Variants in CSNK1D observed in about 807,000 individuals in gnomAD.
CSNK1D encodes casein kinase I isoform delta.
In CSNK1D, 16 loss-of-function variants were observed where a neutral mutation model predicts 46.6. The ratio of observed to expected loss-of-function variants is 0.34; its 90% CI spans 0.23 to 0.52. The LOEUF (loss-of-function observed/expected upper bound fraction) is 0.52. Ranked by LOEUF, CSNK1D falls within the 20% of genes least tolerant of loss-of-function variation. The probability of loss-of-function intolerance (pLI) is 0.95; values close to 1 mark genes in which losing one functional copy is unlikely to be tolerated. For missense variants in CSNK1D, 398 were observed against 578.4 expected (o/e 0.69, Z 3.20); for synonymous variants, 276 against 228.2 (o/e 1.21, Z -1.89).
At chr17:82,258,412 C>T (rs1239091354) in intron 2 of CSNK1D, among the ~76,000 whole-genome samples, 3 of 151,880 alleles carry the variant, frequency 2.0e-5, no homozygotes, top group Non-Finnish European at 4.4e-5. Flanking sequence ...GCGTCACAGT[C>T]GAGCATCCCT....
chr17:82,239,879 A>T, downstream of CSNK1D: 1 of 679,052 alleles, frequency 1.5e-6, no homozygotes, highest in Non-Finnish European at 2.1e-6. Context: ...AGCCCGGCCC[A>T]GCGCTTGGGC....
In CSNK1D at chr17:82,253,244, T is replaced by C; in HGVS notation, c.337A>G (p.Ile113Val). The C allele has an allele frequency of 6.2e-7, 1 of 1,613,706 alleles. No homozygotes were observed. The highest frequency in any genetic ancestry group is 8.5e-7 in the Non-Finnish European group (1 of 1,179,722). The change falls in exon 4 of 9, where the codon ATC becomes GTC. Residue 113 changes from isoleucine (I) to valine (V), a missense_variant and splice_region_variant. Coordinates refer to ENST00000314028, the MANE Select transcript of CSNK1D (RefSeq NM_001893.6). ...GAATGAATGTATTCGATGCGACTGA[T>C]CTGTGAGCAGAGCAAGGGCGCGAGA... ...KTVLLLADQM[I>V]SRIEYIHSKN...
At chr17:82,240,546 G>C (rs1047132825), downstream of CSNK1D, among the ~76,000 whole-genome samples, 2 of 152,144 alleles carry the variant, frequency 1.3e-5, no homozygotes, top group African/African-American at 4.8e-5. Flanking sequence ...AGGGGTGCTC[G>C]CTCCTGGAAC....
Position 82,242,813 on chromosome 17 carries a change from G to A in CSNK1D, c.*1968C>T. On this transcript the variant is annotated 3_prime_UTR_variant, in exon 9 of 9. Transcript: ENST00000314028. Reference sequence around the variant, plus strand: ...CTACGTCTCCTGCACGGGGCGACGGGGACTAGATACTGGGCAAGGACTGTC... The same window carrying A: ...CTACGTCTCCTGCACGGGGCGACGGAGACTAGATACTGGGCAAGGACTGTC... 1 of 985,458 alleles carries A rather than the reference G, an allele frequency of 1.0e-6. No homozygotes were observed. 61.0% of individuals were successfully genotyped at this position (985,458 alleles called of 1,614,324 possible). A position where few individuals can be genotyped will look rare whatever the true frequency, so the allele number is the denominator to read the frequency against.
rs1379367052 is a variant in CSNK1D at position 82,252,882 on chromosome 17, C to T, written c.565+134G>A. The stretch of plus-strand genomic sequence containing the variant: ...CCCCCATACACCTGGCAGTCACGAG[C>T]CAGCCTGTCTGCCGCAAAGGTCTGA... On this transcript the variant is annotated intron_variant, in intron 4 of 8. Transcript: ENST00000314028. This position sits in a 1 kb window ranked among gnomAD's most constrained non-coding sequence, Gnocchi z 4.6. 9.2e-6 allele frequency: 8 copies of T among 866,742 alleles called. No homozygotes were observed. The East Asian group carries it at 2.1e-4, about 23-fold the overall frequency. The allele number at this position is 866,742 out of a possible 1,614,324, so 53.7% of individuals were successfully genotyped here. A position where few individuals can be genotyped will look rare whatever the true frequency, so the allele number is the denominator to read the frequency against.
intron 8 of CSNK1D, chr17:82,245,692 G>C (rs2050832882): frequency 4.4e-6 from 2 of 453,668 alleles, no homozygotes; most frequent in African/African-American, 4.0e-5. Flanking sequence ...GACAGGAGGA[G>C]AGCAACGGCA....
In CSNK1D at chr17:82,272,692, C is replaced by G. The variant is rs537605236; in HGVS notation, c.76+614G>C. On this transcript the variant is annotated intron_variant, in intron 1 of 8. Transcript: ENST00000314028. ...AGCCCCACTCCTAGCCGGGCCACTC[C>G]CCCGCTCCACACGGCATTTGGGTCT... Among the ~76,000 whole-genome samples the G allele has an allele frequency of 2.0e-5, 3 of 152,362 alleles. No homozygotes were observed. In the East Asian group the frequency reaches 5.8e-4, roughly 29 times the overall value.
downstream of CSNK1D, chr17:82,239,873 C>G: frequency 1.6e-6 from 1 of 628,718 alleles, no homozygotes. Context: ...CCATCCAGCC[C>G]GGCCCAGCGC....
Position 82,252,667 on chromosome 17 carries a change from C to A in CSNK1D, c.566-63G>T. 1 of 1,537,610 alleles carries A rather than the reference C, an allele frequency of 6.5e-7. No homozygotes were observed. Among genetic ancestry groups the A allele is most frequent in the Non-Finnish European group, 8.8e-7 (1 of 1,133,344 alleles). Reference sequence around the variant, plus strand: ...GCGTGCTCACGTCAAAGCAAAAGACCCGGCTGGCCGTTCCAGTGGAGACTA... The same window carrying A: ...GCGTGCTCACGTCAAAGCAAAAGACACGGCTGGCCGTTCCAGTGGAGACTA... On this transcript the variant is annotated intron_variant, in intron 4 of 8. Coordinates refer to ENST00000314028, the MANE Select transcript of CSNK1D (RefSeq NM_001893.6). This position sits in a 1 kb window ranked among gnomAD's most constrained non-coding sequence, Gnocchi z 4.6.
Position 82,252,861 on chromosome 17 carries a change from C to T in CSNK1D, c.565+155G>A, listed in dbSNP as rs1261771496. Among the ~76,000 whole-genome samples the T allele has an allele frequency of 2.0e-5, 3 of 152,238 alleles. No homozygotes were observed. Among genetic ancestry groups the T allele is most frequent in the African/African-American group, 7.2e-5 (3 of 41,464 alleles). Reference sequence around the variant, plus strand: ...AAATGTCCCAGCATCCGCCTGCCCCCATACACCTGGCAGTCACGAGCCAGC... The same window carrying T: ...AAATGTCCCAGCATCCGCCTGCCCCTATACACCTGGCAGTCACGAGCCAGC... On this transcript the variant is annotated intron_variant, in intron 4 of 8. Transcript: ENST00000314028. The surrounding 1 kb of genome is among the most constrained non-coding windows in gnomAD (Gnocchi z 4.6).
Position 82,249,136 on chromosome 17 carries a change from T to G in CSNK1D, c.1058-122A>C. ...TGCCTGGACAGTCAGGACCTGGCTGTGGCCGATGGCCACCAACACTCAGAT... is the reference window on the plus strand; with the variant it reads ...TGCCTGGACAGTCAGGACCTGGCTGGGGCCGATGGCCACCAACACTCAGAT... On this transcript the variant is annotated intron_variant, in intron 7 of 8. Transcript: ENST00000314028. This position sits in a 1 kb window ranked among gnomAD's most constrained non-coding sequence, Gnocchi z 6.7. 1 of 1,216,870 alleles carries G rather than the reference T, an allele frequency of 8.2e-7. No individual in the cohort carries two copies. The highest frequency in any genetic ancestry group is 1.5e-5 in the South Asian group (1 of 68,136). The allele number at this position is 1,216,870 out of a possible 1,614,324, so 75.4% of individuals were successfully genotyped here.
chr17:82,246,897 C>A, intron 8 of CSNK1D: 5 of 985,748 alleles, frequency 5.1e-6, no homozygotes, highest in Non-Finnish European at 6.0e-6. Context: ...ACAGGTGAGG[C>A]GCTCAGAGCA....
At chr17:82,258,956 T>G (rs531800562) in intron 2 of CSNK1D, among the ~76,000 whole-genome samples, 145 of 152,334 alleles carry the variant, frequency 9.5e-4, no homozygotes, top group Non-Finnish European at 1.7e-3. Flanking sequence ...TTCACAAGTG[T>G]TTTAATTAAT....
chr17:82,241,837 G>A (rs528749429), downstream of CSNK1D, among the ~76,000 whole-genome samples: 14 of 152,344 alleles, frequency 9.2e-5, no homozygotes, highest in South Asian at 2.9e-3. Flanking sequence ...CCAGGCCATG[G>A]GCATCCCCAC....
intron 2 of CSNK1D, among the ~76,000 whole-genome samples, chr17:82,260,494 A>C (rs1481807457): frequency 2.1e-5 from 3 of 143,906 alleles, no homozygotes; most frequent in Non-Finnish European, 4.5e-5. Context: ...TGGTGTACTG[A>C]CTGATGTGAC....
Position 82,248,097 on chromosome 17 carries a change from G to A in CSNK1D, c.1197+778C>T, listed in dbSNP as rs1399754427. On this transcript the variant is annotated intron_variant, in intron 8 of 8. Transcript: ENST00000314028. This position sits in a 1 kb window ranked among gnomAD's most constrained non-coding sequence, Gnocchi z 4.1. Reference sequence around the variant, plus strand: ...GAGTTCCTGCTCATCCGGAAGACCCGTGGGGGATCTGGGCACCCCCCAGGA... The same window carrying A: ...GAGTTCCTGCTCATCCGGAAGACCCATGGGGGATCTGGGCACCCCCCAGGA... The A allele has an allele frequency of 9.1e-6, 9 of 985,404 alleles. No homozygotes were observed. Among genetic ancestry groups the A allele is most frequent in the African/African-American group, 1.7e-5 (1 of 57,248 alleles). The allele number at this position is 985,404 out of a possible 1,614,324, so 61.0% of individuals were successfully genotyped here. A position where few individuals can be genotyped will look rare whatever the true frequency, so the allele number is the denominator to read the frequency against.
At chr17:82,241,395 G>A (rs141221789), downstream of CSNK1D, among the ~76,000 whole-genome samples, 11 of 152,238 alleles carry the variant, frequency 7.2e-5, no homozygotes, top group Admixed American at 2.6e-4. Context: ...TCTTTTCAGC[G>A]TCTAAACCAT....
chr17:82,265,346 T>C (rs1220596847), intron 2 of CSNK1D: 2 of 353,356 alleles, frequency 5.7e-6, no homozygotes, highest in Non-Finnish European at 1.1e-5. Flanking sequence ...ACTTGGCTAA[T>C]TTTTGTATTT....
At chr17:82,257,332 C>G (rs371466786) in intron 2 of CSNK1D, among the ~76,000 whole-genome samples, 6 of 152,072 alleles carry the variant, frequency 3.9e-5, no homozygotes, top group African/African-American at 1.4e-4. Flanking sequence ...GATGAAAAGA[C>G]TTTTCATGAA....
Sources: allele counts gnomAD v4.1 joint callset (sites outside exome capture counted in the v4.1 genomes callset), GRCh38; gene constraint gnomAD v4.1.1; non-coding constraint Gnocchi (gnomAD v3.1); transcripts MANE v1.5; gene names NCBI Gene and HGNC (gene_info 2026-07-23, HGNC 2026-07-21).